The following CECR2 variants were observed in gnomAD, a reference collection of about 807,000 sequenced individuals.
The protein encoded by CECR2 is CECR2 histone acetyl-lysine reader, also known as chromatin remodeling regulator CECR2.
In CECR2, 30 loss-of-function variants were observed where a neutral mutation model predicts 154.5. The ratio of observed to expected loss-of-function variants is 0.19; its 90% CI spans 0.15 to 0.26. The LOEUF is 0.26. Ranked by LOEUF, CECR2 falls within the 10% of genes least tolerant of loss-of-function variation. The pLI, the probability that CECR2 is intolerant of heterozygous loss-of-function variation, is 1.00. For synonymous variants in CECR2, 725 were observed against 683.7 expected (o/e 1.06, Z -0.94); for missense variants, 1,743 against 1,829.3 (o/e 0.95, Z 0.86).
At chr22:17,495,413 A>G (rs2055605232) in intron 2 of CECR2, among the ~76,000 whole-genome samples, 1 of 152,072 alleles carries the variant, frequency 6.6e-6, no homozygotes, top group African/African-American at 2.4e-5. Context: ...TACTAAAAAT[A>G]CAAAAATTAG....
At chr22:17,446,638 C>A (rs2054668584) in intron 1 of CECR2, among the ~76,000 whole-genome samples, 1 of 152,100 alleles carries the variant, frequency 6.6e-6, no homozygotes, top group Non-Finnish European at 1.5e-5. Flanking sequence ...ATGATGTGAA[C>A]CTGGGAGGTG....
intron 9 of CECR2, among the ~76,000 whole-genome samples, chr22:17,528,436 T>A (rs971838532): frequency 6.6e-6 from 1 of 151,674 alleles, no homozygotes; most frequent in African/African-American, 2.4e-5. Context: ...TGGGGAGAGG[T>A]AGGATGGTTA....
chr22:17,459,935 A>G (rs1322300705), intron 1 of CECR2, among the ~76,000 whole-genome samples: 2 of 152,210 alleles, frequency 1.3e-5, no homozygotes, highest in Non-Finnish European at 2.9e-5. Context: ...ACATGTATTT[A>G]TACCAGTAGC....
intron 1 of CECR2, among the ~76,000 whole-genome samples, chr22:17,388,920 C>T (rs2063296769): frequency 6.6e-6 from 1 of 152,020 alleles, no homozygotes; most frequent in South Asian, 2.1e-4. Context: ...TCAAGCAGTT[C>T]TCCTGCTTCA....
At position 17,443,014 on chromosome 22, in the gene CECR2, C is replaced by T. The variant is rs1453184667; in HGVS notation, c.127-34574C>T. Among the ~76,000 whole-genome samples the T allele has an allele frequency of 2.6e-5, 4 of 152,278 alleles. No individual in the cohort carries two copies. In the East Asian group the frequency reaches 5.8e-4, roughly 22 times the overall value. On this transcript the variant is annotated intron_variant, in intron 1 of 18. Transcript: ENST00000262608. The stretch of plus-strand genomic sequence containing the variant: ...CTTTCTTCTATTGGAATAGTGGAAC[C>T]TTTTTCTATTCTTTCATCAGGCTCC...
At chr22:17,404,120 G>A (rs940904872) in intron 1 of CECR2, among the ~76,000 whole-genome samples, 8 of 151,398 alleles carry the variant, frequency 5.3e-5, no homozygotes, top group Admixed American at 4.6e-4. Flanking sequence ...TTAGCCGGGC[G>A]TCATGTTGCA....
rs553168798 is a variant in CECR2 at position 17,546,259 on chromosome 22, G to A, written c.2861-1889G>A. Among the ~76,000 whole-genome samples, 408 of 152,074 alleles carry A rather than the reference G, an allele frequency of 2.7e-3. 4 individuals are homozygous for A. The highest frequency in any genetic ancestry group is 9.7e-3 in the African/African-American group (402 of 41,470). On this transcript the variant is annotated intron_variant, in intron 16 of 18. Coordinates refer to ENST00000262608, the MANE Select transcript of CECR2 (RefSeq NM_001290047.2). ...TCCCAGCACTTTGGGAGGCCGAGGC[G>A]GGTGGATCACGAGGTCAGGAAATCG...
intron 2 of CECR2, among the ~76,000 whole-genome samples, chr22:17,492,177 G>A (rs756414865): frequency 8.5e-5 from 13 of 152,154 alleles, no homozygotes; most frequent in Admixed American, 5.9e-4. Context: ...AATTGTTGTA[G>A]CAAATGGGAG....
intron 16 of CECR2, among the ~76,000 whole-genome samples, chr22:17,544,964 C>G (rs972909542): frequency 2.0e-4 from 30 of 151,946 alleles, no homozygotes; most frequent in Non-Finnish European, 4.1e-4. Context: ...AGAGCAAAAC[C>G]ATGTCTCAAT....
chr22:17,530,867 A>T (rs572437170), intron 9 of CECR2, among the ~76,000 whole-genome samples: 1 of 152,218 alleles, frequency 6.6e-6, no homozygotes, highest in Non-Finnish European at 1.5e-5. Flanking sequence ...AAGTGATATC[A>T]GCAGGACACA....
chr22:17,525,312 A>AAAAAAAAAAAAG (rs2056243144), intron 9 of CECR2, among the ~76,000 whole-genome samples: 1 of 145,476 alleles, frequency 6.9e-6, no homozygotes, highest in Non-Finnish European at 1.5e-5. Flanking sequence ...AAAAAAAAAA[A>AAAAAAAAAAAAG]AAAGAAAGGA....
At chr22:17,499,621 C>G (rs2055698862) in intron 4 of CECR2, 72 bp downstream of exon 4, 1 of 1,432,282 alleles carries the variant, frequency 7.0e-7, no homozygotes, top group Non-Finnish European at 9.3e-7. Flanking sequence ...CATCAGAATT[C>G]TACAGCACAA....
At chr22:17,488,892 C>T (rs929797412) in intron 2 of CECR2, among the ~76,000 whole-genome samples, 27 of 152,172 alleles carry the variant, frequency 1.8e-4, no homozygotes, top group African/African-American at 6.3e-4. Flanking sequence ...GCAACATTTA[C>T]GTTTCCACCA....
At chr22:17,432,934 A>G (rs2054448602) in intron 1 of CECR2, among the ~76,000 whole-genome samples, 1 of 152,176 alleles carries the variant, frequency 6.6e-6, no homozygotes, top group South Asian at 2.1e-4. Context: ...AGTATTGATG[A>G]CAGTCAGATG....
At chr22:17,422,623 C>T (rs1160172931) in intron 1 of CECR2, among the ~76,000 whole-genome samples, 1 of 151,824 alleles carries the variant, frequency 6.6e-6, no homozygotes, top group Non-Finnish European at 1.5e-5. Context: ...TTCCTTTCTT[C>T]TCCTCTTGGT....
chr22:17,447,033 C>CTTTTTTTTTTTTTTTTTT (rs1555910503), intron 1 of CECR2, among the ~76,000 whole-genome samples: 3 of 114,104 alleles, frequency 2.6e-5, no homozygotes, highest in African/African-American at 1.1e-4. Flanking sequence ...CGTTTACAAT[C>CTTTTTTTTTTTTTTTTTT]TTTTTTTTTT....
At chr22:17,385,872 TC>T (rs1478599006) in intron 1 of CECR2, among the ~76,000 whole-genome samples, 1 of 152,182 alleles carries the variant, frequency 6.6e-6, no homozygotes, top group African/African-American at 2.4e-5. Context: ...AAAGGACATT[TC>T]TCACTGGTGC....
At chr22:17,489,733 C>T (rs1174078237) in intron 2 of CECR2, among the ~76,000 whole-genome samples, 1 of 152,222 alleles carries the variant, frequency 6.6e-6, no homozygotes, top group Non-Finnish European at 1.5e-5. Context: ...GCTGGAATTA[C>T]AGGCGTGAGC....
chr22:17,516,320 A>T (rs1206989812), intron 8 of CECR2, among the ~76,000 whole-genome samples: 1 of 152,156 alleles, frequency 6.6e-6, no homozygotes, highest in Non-Finnish European at 1.5e-5. Context: ...ATATACATAT[A>T]TACATGTATG....
Sources: gnomAD v4.1 joint callset for allele counts (sites outside exome capture counted in the v4.1 genomes callset) on GRCh38, gnomAD v4.1.1 for gene constraint, MANE v1.5 for transcripts, NCBI Gene and HGNC (gene_info 2026-07-23, HGNC 2026-07-21) for gene names.